OTUD7B: variants seen among roughly 807,000 people sequenced by gnomAD.
The protein encoded by OTUD7B is OTU deubiquitinase 7B.
OTUD7B carries 34 observed loss-of-function variants against 82.2 expected under a neutral mutation model. That is an observed-to-expected ratio of 0.41 (90% CI 0.31 to 0.55). The LOEUF (loss-of-function observed/expected upper bound fraction) is 0.55. Ranked by LOEUF, OTUD7B falls within the 20% of genes least tolerant of loss-of-function variation. OTUD7B has a pLI of 0.20. For synonymous variants in OTUD7B, 398 were observed against 402.7 expected (o/e 0.99, Z 0.14); for missense variants, 944 against 1,062.1 (o/e 0.89, Z 1.55).
At chr1:149,961,076 C>G (rs1157446854) in intron 6 of OTUD7B, 1 of 150,688 alleles carries the variant, frequency 6.6e-6, no homozygotes, top group Non-Finnish European at 1.5e-5. Context: ...CATACAAAGC[C>G]TACTTTCTGG....
chr1:150,018,505 T>A, the OTUD7B span, among the ~76,000 whole-genome samples: 56 of 152,200 alleles, frequency 3.7e-4, 1 homozygote, highest in African/African-American at 1.2e-3. Flanking sequence ...AGTGTCATAC[T>A]GCTTGCTTCC....
At chr1:149,963,737 A>G (rs1245325026) in intron 6 of OTUD7B, 2 of 155,260 alleles carry the variant, frequency 1.3e-5, no homozygotes, top group Non-Finnish European at 1.4e-5. Flanking sequence ...GTGTGATTAG[A>G]ATGCTGGTTC....
At chr1:150,031,085 A>T in the OTUD7B span, among the ~76,000 whole-genome samples, 1 of 151,760 alleles carries the variant, frequency 6.6e-6, no homozygotes, top group East Asian at 1.9e-4. Context: ...TCTATTTTTT[A>T]TTTTTATTTT....
chr1:149,987,161 A>G (rs1651210719), intron 1 of OTUD7B, among the ~76,000 whole-genome samples: 1 of 152,264 alleles, frequency 6.6e-6, no homozygotes, highest in African/African-American at 2.4e-5. Context: ...AGGTTAGGTA[A>G]TATGCCCAAG....
chr1:150,025,597 C>G, the OTUD7B span, among the ~76,000 whole-genome samples: 2 of 152,114 alleles, frequency 1.3e-5, no homozygotes, highest in Non-Finnish European at 2.9e-5. Flanking sequence ...TTCTTCCACA[C>G]CAGAGGGGAA....
At chr1:150,060,485 C>T in the OTUD7B span, among the ~76,000 whole-genome samples, 11 of 152,280 alleles carry the variant, frequency 7.2e-5, 1 homozygote, top group Admixed American at 6.5e-4. Flanking sequence ...TGACCTTAGA[C>T]ATCTAGCCAC....
In OTUD7B at chr1:149,964,354, G is replaced by A. The variant is rs781993130; in HGVS notation, c.605-5C>T. On this transcript the variant is annotated splice_region_variant and splice_polypyrimidine_tract_variant and intron_variant, in intron 5 of 11. Transcript: ENST00000581312. The stretch of plus-strand genomic sequence containing the variant: ...GATCATGGAAACCCCACATTCCTGT[G>A]GCAAAAAAGCATAATGGTAAGATAC... The A allele has an allele frequency of 1.9e-5, 30 of 1,607,034 alleles. No individual in the cohort carries two copies. Among genetic ancestry groups the A allele is most frequent in the Non-Finnish European group, 2.4e-5 (28 of 1,177,792 alleles).
the OTUD7B span, among the ~76,000 whole-genome samples, chr1:150,037,051 G>T: frequency 6.6e-6 from 1 of 151,984 alleles, no homozygotes; most frequent in African/African-American, 2.4e-5. Context: ...TTTTAAATAT[G>T]GCATGTCCTT....
rs1648995004 is a variant in OTUD7B, at chr1:149,959,685, C to G, written c.844G>C (p.Gly282Arg). Reference protein sequence around the residue: ...HLGTNGANCGGVESSEEPVYE... With the variant: ...HLGTNGANCGRVESSEEPVYE... ...CCTCCCCTACTTAGCCATACTTACC[C>G]ACCACAGTTGGCTCCATTGGTACCT... The change falls in exon 7 of 12, where the codon GGG becomes CGG. Residue 282 changes from glycine to arginine, a missense_variant and splice_region_variant. Gly to Arg is a moderately radical substitution (Grantham distance 125). Around this residue, in one of 3 missense-constraint regions of OTUD7B, gnomAD observed 530 missense variants for 625.6 expected, o/e 0.85. Transcript: ENST00000581312. 6.2e-7 allele frequency: 1 copy of G among 1,602,700 alleles called. No individual in the cohort carries two copies. Among genetic ancestry groups the G allele is most frequent in the Non-Finnish European group, 8.5e-7 (1 of 1,169,706 alleles).
chr1:150,023,127 A>G, the OTUD7B span, among the ~76,000 whole-genome samples: 1 of 152,224 alleles, frequency 6.6e-6, no homozygotes, highest in Admixed American at 6.5e-5. Context: ...AGCTTTTATC[A>G]AAAACATGAA....
In OTUD7B at chr1:149,939,682, C is replaced by G. The variant is rs2092748839; in HGVS notation, c.*4175G>C. On this transcript the variant is annotated 3_prime_UTR_variant, in exon 12 of 12. Coordinates refer to ENST00000581312, the MANE Select transcript of OTUD7B (RefSeq NM_020205.4). ...CGGTGGCTCATGCCTGTAATCCCAG[C>G]ACTTTGGGAGGCCGAGGCTGGCGGA... The G allele has an allele frequency of 6.6e-6, 1 of 152,386 alleles. No homozygotes were observed. The highest frequency in any genetic ancestry group is 6.5e-5 in the Admixed American group (1 of 15,284). 9.4% of individuals were successfully genotyped at this position (152,386 alleles called of 1,614,324 possible).
At chr1:150,008,539 C>T (rs879952921) in intron 1 of OTUD7B, among the ~76,000 whole-genome samples, 5 of 152,182 alleles carry the variant, frequency 3.3e-5, no homozygotes, top group Admixed American at 1.3e-4. Context: ...AGATAGCCAG[C>T]TCTTGCTTTG....
At chr1:150,049,796 G>A in the OTUD7B span, among the ~76,000 whole-genome samples, 1 of 152,108 alleles carries the variant, frequency 6.6e-6, no homozygotes, top group Admixed American at 6.5e-5. Context: ...CATGTGCTCA[G>A]GCTGGTCTTG....
At chr1:149,956,253 T>C (rs896720694) in intron 7 of OTUD7B, among the ~76,000 whole-genome samples, 12 of 152,182 alleles carry the variant, frequency 7.9e-5, no homozygotes, top group Admixed American at 7.2e-4. Flanking sequence ...CTCTCAGCAT[T>C]TGCGTGTCTG....
At chr1:150,029,679 T>G in the OTUD7B span, among the ~76,000 whole-genome samples, 1 of 152,190 alleles carries the variant, frequency 6.6e-6, no homozygotes, top group Non-Finnish European at 1.5e-5. Context: ...GGTGGTTGCA[T>G]TCTCTTGGCT....
chr1:149,992,988 T>C (rs960385684), intron 1 of OTUD7B, among the ~76,000 whole-genome samples: 10 of 151,546 alleles, frequency 6.6e-5, no homozygotes, highest in African/African-American at 2.4e-4. Context: ...CCATCTCTAC[T>C]AAAAATACAA....
the OTUD7B span, among the ~76,000 whole-genome samples, chr1:150,039,458 A>C: frequency 6.6e-6 from 1 of 152,150 alleles, no homozygotes; most frequent in East Asian, 1.9e-4. Context: ...GCTCACTGCA[A>C]GCTCCGTCTC....
At chr1:150,027,727 T>TAAAA in the OTUD7B span, among the ~76,000 whole-genome samples, 285 of 145,988 alleles carry the variant, frequency 2.0e-3, no homozygotes, top group African/African-American at 6.7e-3. Flanking sequence ...GGATAACTGC[T>TAAAA]AAAAAAAAAA....
At chr1:150,013,784 A>G (rs1268769482), upstream of OTUD7B, among the ~76,000 whole-genome samples, 1 of 150,566 alleles carries the variant, frequency 6.6e-6, no homozygotes, top group Non-Finnish European at 1.5e-5. Flanking sequence ...TAGCCAGGCG[A>G]GGTGGCGGGC....
Sources: gnomAD v4.1 joint callset for allele counts (sites outside exome capture counted in the v4.1 genomes callset) on GRCh38, gnomAD v4.1.1 for gene constraint, gnomAD v4.1.1 regional missense constraint, MANE v1.5 for transcripts, NCBI Gene and HGNC (gene_info 2026-07-23, HGNC 2026-07-21) for gene names.